Variants in CRACD observed in about 807,000 individuals in gnomAD.
CRACD encodes the protein capping protein inhibiting regulator of actin dynamics, also known as capping protein-inhibiting regulator of actin dynamics.
Under a neutral mutation model 106.8 loss-of-function variants are expected in CRACD, and 56 were observed. That is an observed-to-expected ratio of 0.52 (90% confidence interval 0.42 to 0.66). CRACD has a LOEUF of 0.66. CRACD is among the 30% of genes least tolerant of loss of function. The pLI is 0.00. For synonymous variants in CRACD, 754 were observed against 670.8 expected (o/e 1.12, Z -1.92); for missense variants, 1,730 against 1,623.2 (o/e 1.07, Z -1.13).
At chr4:56,181,789 A>G (rs988372583) in intron 2 of CRACD, among the ~76,000 whole-genome samples, 2 of 152,160 alleles carry the variant, frequency 1.3e-5, no homozygotes, top group Non-Finnish European at 2.9e-5. Flanking sequence ...CTGTGTCTGC[A>G]CATGGCTGTC....
chr4:56,109,499 A>G (rs1015261414), intron 1 of CRACD, among the ~76,000 whole-genome samples: 1 of 152,168 alleles, frequency 6.6e-6, no homozygotes, highest in Non-Finnish European at 1.5e-5. Flanking sequence ...CTGGAGCAGA[A>G]AAGGGTTATT....
chr4:56,295,731 A>G (rs936261846), intron 3 of CRACD, among the ~76,000 whole-genome samples: 1 of 146,924 alleles, frequency 6.8e-6, no homozygotes, highest in African/African-American at 2.5e-5. Flanking sequence ...CAAAAATACA[A>G]TGTAGAAATG....
intron 2 of CRACD, among the ~76,000 whole-genome samples, chr4:56,251,578 C>G (rs1403670775): frequency 6.6e-6 from 1 of 152,118 alleles, no homozygotes; most frequent in African/African-American, 2.4e-5. Flanking sequence ...GCCACTAAGG[C>G]TCATGTTTAA....
intron 1 of CRACD, among the ~76,000 whole-genome samples, chr4:56,143,367 C>CT (rs910920481): frequency 6.6e-6 from 1 of 151,918 alleles, no homozygotes; most frequent in Non-Finnish European, 1.5e-5. Flanking sequence ...TTTACTGTGT[C>CT]TTTTTTGTCT....
rs144605583 is a variant in CRACD at position 56,105,772 on chromosome 4, G to T, written c.-336+56473G>T. On this transcript the variant is annotated intron_variant, in intron 1 of 10. Coordinates refer to ENST00000682029, the MANE Select transcript of CRACD (RefSeq NM_001393381.1). ...ATTTATTGAGTTCACAGATTAGCTG[G>T]AATATGATTCTAACTGAAATATCTG... Among the ~76,000 whole-genome samples the T allele has an allele frequency of 6.0e-3, 908 of 152,210 alleles. 11 individuals carry two copies. Among genetic ancestry groups the T allele is most frequent in the African/African-American group, 0.021 (871 of 41,544 alleles).
intron 1 of CRACD, among the ~76,000 whole-genome samples, chr4:56,050,404 C>A (rs1731837359): frequency 6.6e-6 from 1 of 151,314 alleles, no homozygotes; most frequent in African/African-American, 2.4e-5. Flanking sequence ...TAGTAAATAT[C>A]CTGTGGCAAA....
chr4:56,315,320 G>T lies in CRACD; in HGVS notation c.1818G>T (p.Pro606=). 6.2e-7 allele frequency: 1 copy of T among 1,613,832 alleles called. No homozygotes were observed. Among genetic ancestry groups the T allele is most frequent in the Non-Finnish European group, 8.5e-7 (1 of 1,179,948 alleles). ...ILVTGAQLCG[P]AVNLSQIKDT... is the part of the protein sequence containing the mutation. ...TCACGGGCGCGCAGCTCTGTGGCCC[G>T]GCAGTCAACCTGAGCCAGATCAAGG... The change falls in exon 8 of 11, where the codon CCG becomes CCT. Residue 606 remains proline, a synonymous_variant. Coordinates refer to ENST00000682029, the MANE Select transcript of CRACD (RefSeq NM_001393381.1). The surrounding 1 kb of genome is among the most constrained non-coding windows in gnomAD (Gnocchi z 4.1).
chr4:56,071,806 T>C (rs1293055637), intron 1 of CRACD, among the ~76,000 whole-genome samples: 2 of 150,998 alleles, frequency 1.3e-5, no homozygotes, highest in Non-Finnish European at 3.0e-5. Context: ...CCACTGCGTC[T>C]GGCCAATCTC....
intron 3 of CRACD, among the ~76,000 whole-genome samples, chr4:56,289,698 A>C (rs1376053866): frequency 6.6e-6 from 1 of 152,056 alleles, no homozygotes; most frequent in Admixed American, 6.6e-5. Context: ...CAAAAAAAAA[A>C]AAAAAACAAA....
intron 1 of CRACD, among the ~76,000 whole-genome samples, chr4:56,167,252 A>G (rs928324388): frequency 3.3e-5 from 5 of 152,230 alleles, no homozygotes; most frequent in Admixed American, 6.5e-5. Flanking sequence ...AAAGCACGTG[A>G]CAGATCCACA....
At chr4:56,297,272 T>C (rs1481940553) in intron 3 of CRACD, among the ~76,000 whole-genome samples, 1 of 152,142 alleles carries the variant, frequency 6.6e-6, no homozygotes. Flanking sequence ...TTATACCTCA[T>C]TGTCTGGTAG....
At chr4:56,261,792 A>T (rs1741723164) in intron 2 of CRACD, among the ~76,000 whole-genome samples, 1 of 152,232 alleles carries the variant, frequency 6.6e-6, no homozygotes, top group Non-Finnish European at 1.5e-5. Flanking sequence ...GGAGAGGATA[A>T]GAAACAGCCA....
rs57432926 is a variant in CRACD, at chr4:56,287,291, AT to A, written c.-16-10910del. ...AAATGTGCAGCACTATACTTGGCTA[AT>A]TTTTTTTTTTTTGATACAGAGTCTC... On this transcript the variant is annotated intron_variant, in intron 3 of 10. Transcript: ENST00000682029. 3.1e-3 allele frequency among the ~76,000 whole-genome samples: 450 copies of A among 145,452 alleles called. 1 individual carries two copies. Among genetic ancestry groups the A allele is most frequent in the African/African-American group, 6.2e-3 (246 of 39,744 alleles).
chr4:56,268,137 G>A (rs1742136524), intron 2 of CRACD, among the ~76,000 whole-genome samples: 1 of 152,216 alleles, frequency 6.6e-6, no homozygotes, highest in African/African-American at 2.4e-5. Context: ...CTGACGTGCA[G>A]AGATTACCTG....
chr4:56,199,693 AGAAAAG>A (rs1560481422), intron 2 of CRACD, among the ~76,000 whole-genome samples: 16 of 143,186 alleles, frequency 1.1e-4, no homozygotes, highest in East Asian at 2.1e-4. Flanking sequence ...AAAAAAAAAA[AGAAAAG>A]AAAAAAAAAG....
Position 56,313,301 on chromosome 4 carries a change from C to G in CRACD, c.459C>G (p.Asp153Glu). ...DAIPLAIARL[D>E]NSAAKHKLAV... ...TCCCCCTGGCCATCGCTCGCCTGGA[C>G]AACAGTGCCGCCAAGCACAAGCTGG... Residue 153 changes from aspartate to glutamate, a missense_variant, in exon 7 of 11, where the codon GAC becomes GAG. By Grantham distance (45) the Asp-to-Glu change is conservative. Transcript: ENST00000682029. 1 of 1,614,228 alleles carries G rather than the reference C, an allele frequency of 6.2e-7. No homozygotes were observed. The highest frequency in any genetic ancestry group is 8.5e-7 in the Non-Finnish European group (1 of 1,180,036).
At chr4:56,205,559 T>C (rs1452247649) in intron 2 of CRACD, among the ~76,000 whole-genome samples, 4 of 152,090 alleles carry the variant, frequency 2.6e-5, no homozygotes, top group Admixed American at 2.0e-4. Context: ...AACATGCATA[T>C]ATGTGTGTGT....
In CRACD at chr4:56,057,943, C is replaced by T. The variant is rs142269447; in HGVS notation, c.-336+8644C>T. 3.8e-4 allele frequency among the ~76,000 whole-genome samples: 33 copies of T among 86,670 alleles called. 12 individuals carry two copies. Among genetic ancestry groups the T allele is most frequent in the African/African-American group, 2.0e-3 (28 of 13,964 alleles). The allele number at this position is 86,670 out of a possible 152,430, so 56.9% of individuals were successfully genotyped here. A position where few individuals can be genotyped will look rare whatever the true frequency, so the allele number is the denominator to read the frequency against. On this transcript the variant is annotated intron_variant, in intron 1 of 10. Coordinates refer to ENST00000682029, the MANE Select transcript of CRACD (RefSeq NM_001393381.1). ...ACGCCATTCCCCTGCCTCAGCCTCC[C>T]GAGTAGCTGGGACTACAGGCGCCCG...
chr4:56,188,651 C>CTA (rs1449396673), intron 2 of CRACD, among the ~76,000 whole-genome samples: 1 of 141,780 alleles, frequency 7.1e-6, no homozygotes, highest in African/African-American at 2.8e-5. Context: ...CTCTCTCTAT[C>CTA]TCTCTATTTC....
Sources: allele counts gnomAD v4.1 joint callset (sites outside exome capture counted in the v4.1 genomes callset), GRCh38; gene constraint gnomAD v4.1.1; non-coding constraint Gnocchi (gnomAD v3.1); transcripts MANE v1.5; gene names NCBI Gene and HGNC (gene_info 2026-07-23, HGNC 2026-07-21).